The following RIC8B variants were observed in gnomAD, a reference collection of about 807,000 sequenced individuals.
RIC8B encodes the protein RIC8 guanine nucleotide exchange factor B.
A neutral mutation model predicts 57.5 loss-of-function variants in RIC8B; 16 were observed. The observed-to-expected ratio is 0.28, with a 90% confidence interval of 0.19 to 0.42. The LOEUF is 0.42. Among genes scored for constraint, RIC8B ranks in the 10% least tolerant of loss-of-function variants. The probability of loss-of-function intolerance (pLI) is 1.00; values close to 1 mark genes in which losing one functional copy is unlikely to be tolerated. For missense variants in RIC8B, 481 were observed against 677.0 expected (o/e 0.71, Z 3.21); for synonymous variants, 216 against 250.8 (o/e 0.86, Z 1.31).
At chr12:106,841,073 T>A (rs750964849) in intron 4 of RIC8B, among the ~76,000 whole-genome samples, 3 of 152,148 alleles carry the variant, frequency 2.0e-5, no homozygotes, top group Non-Finnish European at 4.4e-5. Flanking sequence ...TACAGATATT[T>A]GCAAAAAAAA....
At chr12:106,824,693 C>T (rs2046014887) in intron 3 of RIC8B, among the ~76,000 whole-genome samples, 1 of 151,688 alleles carries the variant, frequency 6.6e-6, no homozygotes, top group Non-Finnish European at 1.5e-5. Flanking sequence ...GTCAGGAGTT[C>T]AAGACCAGCC....
At chr12:106,819,983 G>A (rs1593199687) in intron 3 of RIC8B, among the ~76,000 whole-genome samples, 2 of 151,904 alleles carry the variant, frequency 1.3e-5, no homozygotes, top group African/African-American at 4.8e-5. Flanking sequence ...GTGGGCCAGC[G>A]GGTTTCAAAG....
chr12:106,857,916 A>G (rs1191959473), intron 7 of RIC8B, among the ~76,000 whole-genome samples: 2 of 152,122 alleles, frequency 1.3e-5, no homozygotes, highest in Admixed American at 1.3e-4. Context: ...TCTTGGCTAT[A>G]CCCTTTATCT....
At chr12:106,805,989 G>T (rs1014007871) in intron 2 of RIC8B, among the ~76,000 whole-genome samples, 1 of 151,962 alleles carries the variant, frequency 6.6e-6, no homozygotes, top group Admixed American at 6.6e-5. Context: ...TGCTCTTGTT[G>T]CCCAGGCTGG....
intron 9 of RIC8B, chr12:106,872,918 A>G (rs1950505297): frequency 1.8e-6 from 1 of 571,102 alleles, no homozygotes; most frequent in African/African-American, 2.0e-5. Flanking sequence ...GCCTAAGACT[A>G]CACAGTATAA....
chr12:106,827,061 C>T lies in RIC8B; in HGVS notation c.836+1241C>T, dbSNP rs989933543. 2.9e-4 allele frequency among the ~76,000 whole-genome samples: 44 copies of T among 152,076 alleles called. 1 individual carries two copies. Among genetic ancestry groups the T allele is most frequent in the African/African-American group, 2.2e-4 (9 of 41,418 alleles). ...CTGTACTCCAGCCTGGGTGACAAAG[C>T]GAGACCCTGTCTCAAATAAATAAAT... On this transcript the variant is annotated intron_variant, in intron 4 of 9. Transcript: ENST00000392837.
intron 7 of RIC8B, among the ~76,000 whole-genome samples, chr12:106,852,619 A>G (rs1424437168): frequency 1.3e-5 from 2 of 152,222 alleles, no homozygotes; most frequent in African/African-American, 4.8e-5. Flanking sequence ...GGTAAATATT[A>G]TATTTTGATT....
chr12:106,831,865 G>A (rs1018316920), intron 4 of RIC8B, among the ~76,000 whole-genome samples: 3 of 152,282 alleles, frequency 2.0e-5, no homozygotes, highest in African/African-American at 2.4e-5. Flanking sequence ...GAGAGCATCC[G>A]TCTTTCTGTT....
In RIC8B at chr12:106,809,521, T is replaced by A. The variant is rs1593164590; in HGVS notation, c.133-5175T>A. Among the ~76,000 whole-genome samples the A allele has an allele frequency of 4.1e-5, 3 of 73,114 alleles. No individual in the cohort carries two copies. The South Asian group carries it at 1.5e-3, about 36-fold the overall frequency. 48.0% of individuals were successfully genotyped at this position (73,114 alleles called of 152,430 possible). On this transcript the variant is annotated intron_variant, in intron 2 of 9. Transcript: ENST00000392837. Reference sequence around the variant, plus strand: ...CTGGGAGACAGAGAAGACTCTTGTCTCAAAAAAAAAAAAAAAAAAAAAAAG... The same window carrying A: ...CTGGGAGACAGAGAAGACTCTTGTCACAAAAAAAAAAAAAAAAAAAAAAAG...
At chr12:106,880,763 TCTATA>T in intron 9 of RIC8B, among the ~76,000 whole-genome samples, 1 of 152,228 alleles carries the variant, frequency 6.6e-6, no homozygotes, top group East Asian at 1.9e-4. Flanking sequence ...TGTGCTGTGT[TCTATA>T]CTAGATACTG....
chr12:106,843,009 T>G (rs1462265545), intron 5 of RIC8B, among the ~76,000 whole-genome samples, 192 bp downstream of exon 5: 1 of 152,210 alleles, frequency 6.6e-6, no homozygotes, highest in Non-Finnish European at 1.5e-5. Context: ...CCATGTTAAT[T>G]TATTTGTTTA....
chr12:106,777,974 T>C (rs1215858170), intron 1 of RIC8B, among the ~76,000 whole-genome samples: 1 of 152,196 alleles, frequency 6.6e-6, no homozygotes, highest in African/African-American at 2.4e-5. Flanking sequence ...TTAACTTTGC[T>C]GTGGCTTAGT....
chr12:106,827,615 C>G (rs2046167348), intron 4 of RIC8B, among the ~76,000 whole-genome samples: 1 of 152,092 alleles, frequency 6.6e-6, no homozygotes, highest in African/African-American at 2.4e-5. Flanking sequence ...GACTGTTTTT[C>G]TTGATTAAAA....
chr12:106,829,217 G>A (rs1372530251), intron 4 of RIC8B, among the ~76,000 whole-genome samples: 1 of 152,128 alleles, frequency 6.6e-6, no homozygotes, highest in African/African-American at 2.4e-5. Flanking sequence ...TCCACTGAAG[G>A]ACATCCTAAT....
Position 106,824,527 on chromosome 12 carries a change from A to G in RIC8B, c.742-1199A>G, listed in dbSNP as rs774654013. Reference sequence around the variant, plus strand: ...TTCCTAGAAGGGTTATGTGAGTTCTATATATGAATATAGGATGTATGTGTA... The same window carrying G: ...TTCCTAGAAGGGTTATGTGAGTTCTGTATATGAATATAGGATGTATGTGTA... On this transcript the variant is annotated intron_variant, in intron 3 of 9. Transcript: ENST00000392837. Among the ~76,000 whole-genome samples the G allele has an allele frequency of 2.0e-5, 3 of 152,196 alleles. No individual in the cohort carries two copies. In the South Asian group the frequency reaches 6.2e-4, roughly 31 times the overall value.
chr12:106,861,420 A>T (rs947288431), intron 8 of RIC8B, among the ~76,000 whole-genome samples: 2 of 152,078 alleles, frequency 1.3e-5, no homozygotes, highest in Non-Finnish European at 2.9e-5. Context: ...CCAATTAGAC[A>T]GGACATATAT....
chr12:106,848,843 C>T (rs927973771), intron 6 of RIC8B, among the ~76,000 whole-genome samples: 3 of 152,118 alleles, frequency 2.0e-5, no homozygotes, highest in African/African-American at 7.2e-5. Context: ...TTACCAGGGG[C>T]TGTGGAGAAG....
intron 2 of RIC8B, among the ~76,000 whole-genome samples, chr12:106,793,206 A>G (rs181977671): frequency 7.2e-4 from 110 of 152,268 alleles, no homozygotes; most frequent in African/African-American, 2.5e-3. Flanking sequence ...GGGTTGCTGT[A>G]CCTTTACTTC....
At chr12:106,777,479 A>G (rs1253943364) in intron 1 of RIC8B, among the ~76,000 whole-genome samples, 2 of 152,218 alleles carry the variant, frequency 1.3e-5, no homozygotes, top group East Asian at 3.9e-4. Context: ...TGAGGTGATT[A>G]TAGGGCATTG....
Sources: allele counts gnomAD v4.1 joint callset (sites outside exome capture counted in the v4.1 genomes callset), GRCh38; gene constraint gnomAD v4.1.1; transcripts MANE v1.5; gene names NCBI Gene and HGNC (gene_info 2026-07-23, HGNC 2026-07-21).